The following OTUD6B variants were observed in gnomAD, a reference collection of about 807,000 sequenced individuals.
OTUD6B encodes the protein OTU deubiquitinase 6B.
Under a neutral mutation model 36.9 loss-of-function variants are expected in OTUD6B, and 41 were observed. The observed-to-expected ratio is 1.11, with a 90% CI of 0.87 to 1.44. OTUD6B has a LOEUF of 1.44. Ranked by LOEUF, OTUD6B falls within the 40% of genes most tolerant of loss-of-function variation. The pLI, the probability that OTUD6B is intolerant of heterozygous loss-of-function variation, is 0.00. For missense variants in OTUD6B, 356 were observed against 344.8 expected (o/e 1.03, Z -0.26); for synonymous variants, 114 against 114.2 (o/e 1.00, Z 0.01).
chr8:91,078,085 G>A (rs1812833911), intron 3 of OTUD6B: 1 of 192,038 alleles, frequency 5.2e-6, no homozygotes, highest in Admixed American at 6.5e-5. Context: ...TTAGAAACTT[G>A]GCATGTAGCC....
chr8:91,073,207 T>C (rs1399271230), intron 2 of OTUD6B, among the ~76,000 whole-genome samples: 1 of 152,226 alleles, frequency 6.6e-6, no homozygotes, highest in Non-Finnish European at 1.5e-5. Context: ...GTTGCAGTAA[T>C]AATGGCTACT....
chr8:91,084,709 A>G, intron 6 of OTUD6B, 75 bp from the exon 7 acceptor site: 2 of 1,247,138 alleles, frequency 1.6e-6, no homozygotes, highest in East Asian at 3.1e-5. Context: ...GTTTATATAT[A>G]TATATAATAA....
At position 91,084,932 on chromosome 8, in the gene OTUD6B, G is replaced by T. The variant is rs962511768; in HGVS notation, c.*64G>T. ...GCTGAACTGAGTATTTCTACCAAGT[G>T]TTGGGTTGTTCTAAATGCTACTGAA... On this transcript the variant is annotated 3_prime_UTR_variant, in exon 7 of 7. Coordinates refer to ENST00000404789, the MANE Select transcript of OTUD6B (RefSeq NM_016023.5). 1.3e-6 allele frequency: 1 copy of T among 786,536 alleles called. No homozygotes were observed. The highest frequency in any genetic ancestry group is 3.1e-5 in the East Asian group (1 of 31,748). 48.7% of individuals were successfully genotyped at this position (786,536 alleles called of 1,614,324 possible). A position where few individuals can be genotyped will look rare whatever the true frequency, so the allele number is the denominator to read the frequency against.
intron 3 of OTUD6B, among the ~76,000 whole-genome samples, chr8:91,075,396 G>A (rs1812783485): frequency 6.6e-6 from 1 of 151,992 alleles, no homozygotes; most frequent in Non-Finnish European, 1.5e-5. Context: ...CGTCTACTTA[G>A]TAATTGAAAC....
intron 4 of OTUD6B, among the ~76,000 whole-genome samples, chr8:91,079,697 G>A (rs1244066590): frequency 6.6e-6 from 1 of 152,074 alleles, no homozygotes; most frequent in Admixed American, 6.6e-5. Flanking sequence ...TGTGATAAAT[G>A]ACTCTTCTGT....
At chr8:91,080,052 A>T (rs547875225) in intron 4 of OTUD6B, among the ~76,000 whole-genome samples, 1 of 152,146 alleles carries the variant, frequency 6.6e-6, no homozygotes, top group Non-Finnish European at 1.5e-5. Flanking sequence ...AAATATACCC[A>T]TTGTAAATTT....
In OTUD6B at chr8:91,078,687, C is replaced by A. The variant is rs1368478035; in HGVS notation, c.628+19C>A. The A allele has an allele frequency of 1.3e-6, 2 of 1,486,430 alleles. No individual in the cohort carries two copies. The highest frequency in any genetic ancestry group is 1.3e-5 in the South Asian group (1 of 78,366). 92.1% of individuals were successfully genotyped at this position (1,486,430 alleles called of 1,614,324 possible). ...ACTCCAGGTAATTTATTTTTCTTTA[C>A]TATGTTTTATTGTTGCTTTGTTGTA... On this transcript the variant is annotated intron_variant, in intron 4 of 6. Coordinates refer to ENST00000404789, the MANE Select transcript of OTUD6B (RefSeq NM_016023.5).
rs1812841035 is a variant in OTUD6B, at chr8:91,078,471, C to T, written c.431C>T (p.Ala144Val). 6.2e-7 allele frequency: 1 copy of T among 1,606,520 alleles called. No individual in the cohort carries two copies. Among genetic ancestry groups the T allele is most frequent in the Non-Finnish European group, 8.5e-7 (1 of 1,176,136 alleles). ...GAGAAACTTGCTCAAATATTGGCAG[C>T]TAGACAGTTAGAAATTAAACAGATT... ...ESEKLAQILAARQLEIKQIPS... is the reference protein window; with the variant it reads ...ESEKLAQILAVRQLEIKQIPS... The change falls in exon 4 of 7, where the codon GCT becomes GTT. Residue 144 changes from alanine (A) to valine (V), a missense_variant. Transcript: ENST00000404789.
Position 91,070,367 on chromosome 8 carries a change from C to T in OTUD6B, c.-18C>T, listed in dbSNP as rs779780857. The stretch of plus-strand genomic sequence containing the variant: ...GTGCAGGTTTCTTCTAGCGCGTGTG[C>T]TGGGGTACCTGGTCGTCATGGAGGC... On this transcript the variant is annotated 5_prime_UTR_variant, in exon 1 of 7. Coordinates refer to ENST00000404789, the MANE Select transcript of OTUD6B (RefSeq NM_016023.5). 6.2e-7 allele frequency: 1 copy of T among 1,611,886 alleles called. No homozygotes were observed. Among genetic ancestry groups the T allele is most frequent in the Non-Finnish European group, 8.5e-7 (1 of 1,179,000 alleles).
Position 91,071,121 on chromosome 8 carries a change from T to A in OTUD6B, c.83-17T>A. Reference sequence around the variant, plus strand: ...TACTCCTGCGTGTCTGACTTAATGATTTTAATGGCTTTTCAGCCAAAATTC... The same window carrying A: ...TACTCCTGCGTGTCTGACTTAATGAATTTAATGGCTTTTCAGCCAAAATTC... On this transcript the variant is annotated splice_polypyrimidine_tract_variant and intron_variant, in intron 1 of 6. Transcript: ENST00000404789. 1 of 1,611,650 alleles carries A rather than the reference T, an allele frequency of 6.2e-7. No homozygotes were observed. Among genetic ancestry groups the A allele is most frequent in the South Asian group, 1.1e-5 (1 of 90,584 alleles).
rs1402099572 is a variant in OTUD6B at position 91,086,472 on chromosome 8, A to C, written c.*1604A>C. On this transcript the variant is annotated 3_prime_UTR_variant, in exon 7 of 7. Transcript: ENST00000404789. Reference sequence around the variant, plus strand: ...GTGTCTGAAATTTACAAAAGAATGAAATTGAAATTGTAAAACACTAAATGC... The same window carrying C: ...GTGTCTGAAATTTACAAAAGAATGACATTGAAATTGTAAAACACTAAATGC... The C allele has an allele frequency of 6.6e-6, 1 of 152,102 alleles. No individual in the cohort carries two copies. The highest frequency in any genetic ancestry group is 2.4e-5 in the African/African-American group (1 of 41,452). The allele number at this position is 152,102 out of a possible 1,614,324, so 9.4% of individuals were successfully genotyped here.
In OTUD6B at chr8:91,085,117, A is replaced by G. The variant is rs539490769; in HGVS notation, c.*249A>G. On this transcript the variant is annotated 3_prime_UTR_variant, in exon 7 of 7. Coordinates refer to ENST00000404789, the MANE Select transcript of OTUD6B (RefSeq NM_016023.5). Reference sequence around the variant, plus strand: ...CATTCATAGACCAAGATGGTCCCCTATTAGCTGATATTTTCATTTATGTAA... The same window carrying G: ...CATTCATAGACCAAGATGGTCCCCTGTTAGCTGATATTTTCATTTATGTAA... The G allele has an allele frequency of 2.5e-4, 56 of 225,068 alleles. No individual in the cohort carries two copies. The highest frequency in any genetic ancestry group is 1.9e-3 in the South Asian group (11 of 5,646). The allele number at this position is 225,068 out of a possible 1,614,324, so 13.9% of individuals were successfully genotyped here.
In OTUD6B at chr8:91,080,829, T is replaced by G. The variant is rs984913984; in HGVS notation, c.690+99T>G. The G allele has an allele frequency of 9.7e-6, 8 of 825,564 alleles. No individual in the cohort carries two copies. The Admixed American group carries it at 1.4e-4, about 14-fold the overall frequency. The allele number at this position is 825,564 out of a possible 1,614,324, so 51.1% of individuals were successfully genotyped here. On this transcript the variant is annotated intron_variant, in intron 5 of 6. Coordinates refer to ENST00000404789, the MANE Select transcript of OTUD6B (RefSeq NM_016023.5). The stretch of plus-strand genomic sequence containing the variant: ...TTTCTCAGCTGATCCCAATTTCTCT[T>G]TGAAGATTCCTTTTCTTTATATATT...
intron 3 of OTUD6B, among the ~76,000 whole-genome samples, chr8:91,074,337 T>A (rs546360725): frequency 5.9e-5 from 9 of 152,194 alleles, no homozygotes; most frequent in Admixed American, 5.9e-4. Context: ...CCAAGAACTA[T>A]ACCATTGGGT....
At chr8:91,081,553 A>G (rs951912049) in intron 5 of OTUD6B, among the ~76,000 whole-genome samples, 3 of 151,696 alleles carry the variant, frequency 2.0e-5, no homozygotes. Context: ...TGATTACTAT[A>G]TGGCCATAAT....
Position 91,080,673 on chromosome 8 carries a change from AT to A in OTUD6B, c.636del (p.Gln213ArgfsTer8). On this transcript the variant is annotated frameshift_variant, in exon 5 of 7. Transcript: ENST00000404789. LOFTEE classifies it high-confidence loss of function. ...NTGDMYTPEE[F>X]QKYCEDIVNT... ...ATTCTGACCTAATCTCTACAGAAGAATTTCAGAAGTACTGTGAAGATATTGT... is the reference window on the plus strand; with the variant it reads ...ATTCTGACCTAATCTCTACAGAAGAATTCAGAAGTACTGTGAAGATATTGT... 6.2e-7 allele frequency: 1 copy of A among 1,600,618 alleles called. No individual in the cohort carries two copies. The highest frequency in any genetic ancestry group is 8.5e-7 in the Non-Finnish European group (1 of 1,172,642).
In OTUD6B at chr8:91,083,941, G is replaced by A. The variant is rs1812955859; in HGVS notation, c.691-67G>A. On this transcript the variant is annotated intron_variant, in intron 5 of 6. Coordinates refer to ENST00000404789, the MANE Select transcript of OTUD6B (RefSeq NM_016023.5). ...GTATCCCTGCTCTGACTGGTTGCCC[G>A]TTCACACATATTTGAATGTGATTTA... is the stretch of plus-strand genomic sequence containing the variant. 2.4e-5 allele frequency: 37 copies of A among 1,534,090 alleles called. 1 individual carries two copies. In the South Asian group the frequency reaches 3.0e-4, roughly 12 times the overall value.
chr8:91,076,458 A>G (rs1812804644), intron 3 of OTUD6B: 1 of 1,438,960 alleles, frequency 6.9e-7, no homozygotes, highest in African/African-American at 1.4e-5. Flanking sequence ...AGGGAAAAAA[A>G]TGAAATGATT....
rs1037331380 is a variant in OTUD6B, at chr8:91,071,202, C to T, written c.147C>T (p.Thr49=). 20 of 1,613,448 alleles carry T rather than the reference C, an allele frequency of 1.2e-5. No homozygotes were observed. Among genetic ancestry groups the T allele is most frequent in the Non-Finnish European group, 1.5e-5 (18 of 1,179,662 alleles). ...KNDKKRRKQL[T]EDVAKLEKEM... ...ACAAGAAGAGGAGGAAGCAACTCAC[C>T]GAAGATGTGGCCAAGTTGGAAAAAG... Residue 49 remains threonine (T), a synonymous_variant, in exon 2 of 7, where the codon ACC becomes ACT. Transcript: ENST00000404789.
Sources: allele counts gnomAD v4.1 joint callset (sites outside exome capture counted in the v4.1 genomes callset), GRCh38; gene constraint gnomAD v4.1.1; transcripts MANE v1.5; gene names NCBI Gene and HGNC (gene_info 2026-07-23, HGNC 2026-07-21).